NHEJ1: variants seen among roughly 807,000 people sequenced by gnomAD.
NHEJ1 encodes non-homologous end joining factor 1, also known as non-homologous end-joining factor 1.
In NHEJ1, 22 loss-of-function variants were observed where a neutral mutation model predicts 39.4. That is an observed-to-expected ratio of 0.56 (90% CI 0.40 to 0.80). The LOEUF is 0.80. Ranked by LOEUF, NHEJ1 falls within the 30% of genes least tolerant of loss-of-function variation. The probability of loss-of-function intolerance (pLI) is 0.00; values close to 1 mark genes in which losing one functional copy is unlikely to be tolerated. For missense variants in NHEJ1, 329 were observed against 357.1 expected (o/e 0.92, Z 0.63); for synonymous variants, 154 against 135.6 (o/e 1.14, Z -0.94).
intron 5 of NHEJ1, among the ~76,000 whole-genome samples, chr2:219,091,446 G>A (rs996449095): frequency 6.6e-6 from 1 of 152,084 alleles, no homozygotes; most frequent in African/African-American, 2.4e-5. Flanking sequence ...GGTGGAGGGT[G>A]GGGTAGGGCA....
intron 5 of NHEJ1, among the ~76,000 whole-genome samples, chr2:219,091,496 G>A (rs939255716): frequency 5.9e-5 from 9 of 152,084 alleles, no homozygotes; most frequent in African/African-American, 1.9e-4. Context: ...GTCCTGTAGA[G>A]ATGAAATGAC....
At chr2:219,101,574 C>T (rs1360338328) in intron 5 of NHEJ1, among the ~76,000 whole-genome samples, 2 of 151,858 alleles carry the variant, frequency 1.3e-5, no homozygotes, top group Non-Finnish European at 2.9e-5. Flanking sequence ...CTGTGCTTGG[C>T]TAACTTTTTA....
intron 3 of NHEJ1, among the ~76,000 whole-genome samples, chr2:219,154,170 T>C: frequency 6.6e-6 from 1 of 152,184 alleles, no homozygotes. Flanking sequence ...GTTCTTTTTT[T>C]TAAGGCTCAT....
chr2:219,137,590 A>C (rs947988493), intron 5 of NHEJ1, among the ~76,000 whole-genome samples: 2 of 138,986 alleles, frequency 1.4e-5, no homozygotes, highest in Non-Finnish European at 3.2e-5. Flanking sequence ...AAAAAAAAAA[A>C]AACAAAAAAA....
rs1355633702 is a variant in NHEJ1 at position 219,071,126 on chromosome 2, G to T, written c.*5255C>A. ...ACAGCACTGCTCTTGATCCCTGAGT[G>T]GAGACCCACACCCTGTGGGGCTTCC... On this transcript the variant is annotated 3_prime_UTR_variant, in exon 8 of 8. Transcript: ENST00000356853. Among the ~76,000 whole-genome samples the T allele has an allele frequency of 3.3e-5, 5 of 152,122 alleles. No homozygotes were observed. The highest frequency in any genetic ancestry group is 1.2e-4 in the African/African-American group (5 of 41,412).
chr2:219,127,152 C>T (rs1202853507), intron 5 of NHEJ1, among the ~76,000 whole-genome samples: 1 of 152,234 alleles, frequency 6.6e-6, no homozygotes, highest in Non-Finnish European at 1.5e-5. Flanking sequence ...ACCAGATTTA[C>T]GTTGATCAGC....
At chr2:219,079,486 T>G (rs1273333566) in intron 5 of NHEJ1, among the ~76,000 whole-genome samples, 1 of 152,204 alleles carries the variant, frequency 6.6e-6, no homozygotes, top group Non-Finnish European at 1.5e-5. Context: ...TCAGGATAGC[T>G]GAAAACCTTG....
intron 5 of NHEJ1, among the ~76,000 whole-genome samples, chr2:219,092,293 C>CAAA (rs58005993): frequency 0.024 from 2,632 of 111,960 alleles, 102 homozygotes; most frequent in African/African-American, 0.079. Flanking sequence ...GACACTGCCT[C>CAAA]AAAAAAAAAA....
At chr2:219,157,348 A>G in intron 3 of NHEJ1, 124 bp downstream of exon 3, 1 of 812,174 alleles carries the variant, frequency 1.2e-6, no homozygotes, top group South Asian at 1.5e-5. Flanking sequence ...CTGTTTAGTC[A>G]AGGAAAGTTT....
At chr2:219,150,183 G>C (rs1241956702) in intron 3 of NHEJ1, among the ~76,000 whole-genome samples, 1 of 152,202 alleles carries the variant, frequency 6.6e-6, no homozygotes, top group Non-Finnish European at 1.5e-5. Context: ...AAATTAAGAG[G>C]AAAAGACTTT....
Position 219,159,554 on chromosome 2 carries a change from T to TATATGC in NHEJ1, c.-1+1165_-1+1166insGCATAT, listed in dbSNP as rs1949899848. On this transcript the variant is annotated intron_variant, in intron 1 of 7. Coordinates refer to ENST00000356853, the MANE Select transcript of NHEJ1 (RefSeq NM_024782.3). Reference sequence around the variant, plus strand: ...ATATATATGCATATATATATATGCATATATATATGCATATATATATGCATA... The same window carrying TATATGC: ...ATATATATGCATATATATATATGCATATATGCATATATATGCATATATATATGCATA... 5.3e-4 allele frequency among the ~76,000 whole-genome samples: 30 copies of TATATGC among 56,330 alleles called. 1 individual carries two copies. The highest frequency in any genetic ancestry group is 1.3e-3 in the Admixed American group (7 of 5,214). 37.0% of individuals were successfully genotyped at this position (56,330 alleles called of 152,430 possible). A position where few individuals can be genotyped will look rare whatever the true frequency, so the allele number is the denominator to read the frequency against.
chr2:219,091,117 G>C (rs983524922), intron 5 of NHEJ1, among the ~76,000 whole-genome samples: 4 of 152,116 alleles, frequency 2.6e-5, no homozygotes, highest in African/African-American at 9.7e-5. Flanking sequence ...TGCCCTCATA[G>C]AGCTTACAGT....
rs149221038 is a variant in NHEJ1 at position 219,154,305 on chromosome 2, G to C, written c.390+3167C>G. 3.6e-3 allele frequency among the ~76,000 whole-genome samples: 551 copies of C among 152,180 alleles called. 2 individuals are homozygous for C. The highest frequency in any genetic ancestry group is 0.013 in the African/African-American group (523 of 41,512). The stretch of plus-strand genomic sequence containing the variant: ...ATAGATATATATTTGGTCGTATGAA[G>C]ATATATATACAGTATATACATATAT... On this transcript the variant is annotated intron_variant, in intron 3 of 7. Coordinates refer to ENST00000356853, the MANE Select transcript of NHEJ1 (RefSeq NM_024782.3).
intron 5 of NHEJ1, among the ~76,000 whole-genome samples, chr2:219,130,221 A>C (rs1004971786): frequency 2.0e-5 from 3 of 152,168 alleles, no homozygotes; most frequent in African/African-American, 7.2e-5. Flanking sequence ...ATATCTAGAG[A>C]GACCTATATT....
At position 219,076,013 on chromosome 2, in the gene NHEJ1, G is replaced by C; in HGVS notation, c.*368C>G. On this transcript the variant is annotated 3_prime_UTR_variant, in exon 8 of 8. Coordinates refer to ENST00000356853, the MANE Select transcript of NHEJ1 (RefSeq NM_024782.3). The stretch of plus-strand genomic sequence containing the variant: ...TTATTCCATGCAAAAGAGAGAAGTG[G>C]GTCTCTGAGGAGTATCTGGGGCTGG... 1 of 400,246 alleles carries C rather than the reference G, an allele frequency of 2.5e-6. No homozygotes were observed. The highest frequency in any genetic ancestry group is 4.5e-6 in the Non-Finnish European group (1 of 223,130). The allele number at this position is 400,246 out of a possible 1,614,324, so 24.8% of individuals were successfully genotyped here. A position where few individuals can be genotyped will look rare whatever the true frequency, so the allele number is the denominator to read the frequency against.
At chr2:219,098,232 T>C (rs902728679) in intron 5 of NHEJ1, among the ~76,000 whole-genome samples, 4 of 152,144 alleles carry the variant, frequency 2.6e-5, no homozygotes, top group Non-Finnish European at 5.9e-5. Flanking sequence ...ACAGTAAAAA[T>C]AGACAACACT....
intron 1 of NHEJ1, among the ~76,000 whole-genome samples, chr2:219,159,600 T>C (rs1306138835): frequency 7.1e-6 from 1 of 140,160 alleles, no homozygotes; most frequent in Non-Finnish European, 1.5e-5. Flanking sequence ...TATATATATA[T>C]GCATATATAT....
intron 5 of NHEJ1, among the ~76,000 whole-genome samples, chr2:219,103,234 GA>G (rs1949282534): frequency 6.7e-6 from 1 of 149,638 alleles, no homozygotes; most frequent in African/African-American, 2.4e-5. Flanking sequence ...ATTGAACCAA[GA>G]GGATACTATT....
chr2:219,104,626 A>G (rs1210751382), intron 5 of NHEJ1, among the ~76,000 whole-genome samples: 1 of 152,216 alleles, frequency 6.6e-6, no homozygotes, highest in African/African-American at 2.4e-5. Flanking sequence ...GGTGGTAGAG[A>G]AAGAGGGATA....
Sources: gnomAD v4.1 joint callset for allele counts (sites outside exome capture counted in the v4.1 genomes callset) on GRCh38, gnomAD v4.1.1 for gene constraint, MANE v1.5 for transcripts, NCBI Gene and HGNC (gene_info 2026-07-23, HGNC 2026-07-21) for gene names.